SDAD1: variants seen among roughly 807,000 people sequenced by gnomAD.
SDAD1 encodes protein SDA1 homolog.
Under a neutral mutation model 100.3 loss-of-function variants are expected in SDAD1, and 79 were observed. That is an observed-to-expected ratio of 0.79 (90% CI 0.66 to 0.95). SDAD1 has a LOEUF of 0.95. SDAD1 is among the 40% of genes least tolerant of loss of function. SDAD1 has a pLI of 0.00. For missense variants in SDAD1, 790 were observed against 810.9 expected, an observed-to-expected ratio of 0.97 and a Z score of 0.31; for synonymous variants, 267 against 271.4, an observed-to-expected ratio of 0.98 and a Z score of 0.16.
Position 75,957,336 on chromosome 4 carries a change from C to T in SDAD1, c.1843G>A (p.Ala615Thr), listed in dbSNP as rs563762327. Residue 615 changes from alanine (A) to threonine (T), a missense_variant, in exon 20 of 22, where the codon GCA becomes ACA. Physicochemically the swap from Ala to Thr is moderately conservative, Grantham distance 58 (BLOSUM62 0). Coordinates refer to ENST00000356260, the MANE Select transcript of SDAD1 (RefSeq NM_018115.4). ...KPKSDKETRL[A>T]TAMAGKTDRK... ...ATATGCTCACTCACCATTGCAGTTG[C>T]TAGTCTTGTCTCTTTGTCAGACTTT... The T allele has an allele frequency of 1.2e-6, 2 of 1,613,840 alleles. No homozygotes were observed.
chr4:75,975,130 A>T (rs1343783102), intron 6 of SDAD1, among the ~76,000 whole-genome samples: 1 of 152,134 alleles, frequency 6.6e-6, no homozygotes, highest in Non-Finnish European at 1.5e-5. Context: ...CATTAAACAA[A>T]AAAGACTGGG....
intron 14 of SDAD1, 28 bp from the exon 15 acceptor site, chr4:75,961,336 G>T: frequency 6.5e-7 from 1 of 1,528,584 alleles, no homozygotes; most frequent in South Asian, 1.1e-5. Context: ...AAGTTTAAAA[G>T]AGCCCGAATA....
chr4:75,950,513 T>C lies in SDAD1; in HGVS notation c.*237A>G, dbSNP rs1728572928. 1 of 446,288 alleles carries C rather than the reference T, an allele frequency of 2.2e-6. No homozygotes were observed. The highest frequency in any genetic ancestry group is 1.9e-5 in the African/African-American group (1 of 51,672). 27.6% of individuals were successfully genotyped at this position (446,288 alleles called of 1,614,324 possible). A position where few individuals can be genotyped will look rare whatever the true frequency, so the allele number is the denominator to read the frequency against. ...AATGAATAGGCACTCAATACATACT[T>C]TTTTTTGCATGAATGATAAATGAAA... On this transcript the variant is annotated 3_prime_UTR_variant, in exon 22 of 22. Coordinates refer to ENST00000356260, the MANE Select transcript of SDAD1 (RefSeq NM_018115.4).
rs375225256 is a variant in SDAD1, at chr4:75,966,267, TACACACACAC to T, written c.1046-455_1046-446del. On this transcript the variant is annotated intron_variant, in intron 12 of 21. Transcript: ENST00000356260. ...AATAAATACTTGCTGAATGAATGCA[TACACACACAC>T]ACACACACACACACACACACACACA... 4.1e-4 allele frequency among the ~76,000 whole-genome samples: 57 copies of T among 139,286 alleles called. 1 individual carries two copies. The highest frequency in any genetic ancestry group is 7.6e-4 in the African/African-American group (29 of 38,210). 91.4% of individuals were successfully genotyped at this position (139,286 alleles called of 152,430 possible).
intron 16 of SDAD1, 123 bp from the exon 17 acceptor site, chr4:75,960,315 T>G: frequency 2.2e-6 from 2 of 916,342 alleles, no homozygotes; most frequent in East Asian, 2.9e-5. Flanking sequence ...CTTGCTCTGT[T>G]GCCCAGACTG....
rs1730509267 is a variant in SDAD1 at position 75,981,461 on chromosome 4, A to G, written c.205T>C (p.Cys69Arg). 1 of 1,613,820 alleles carries G rather than the reference A, an allele frequency of 6.2e-7. No individual in the cohort carries two copies. The highest frequency in any genetic ancestry group is 8.5e-7 in the Non-Finnish European group (1 of 1,179,792). Residue 69 changes from cysteine to arginine, a missense_variant, in exon 3 of 22, where the codon TGC becomes CGC. Coordinates refer to ENST00000356260, the MANE Select transcript of SDAD1 (RefSeq NM_018115.4). ...AAATTACTTAGGTACTCTGGGTAGC[A>G]GTGACTAATCTGTAACAAAGCAAAG... ...LVMFMAQISH[C>R]YPEYLSNFPQ... is the part of the protein sequence containing the mutation.
In SDAD1 at chr4:75,955,430, G is replaced by A. The variant is rs545385513; in HGVS notation, c.2016+545C>T. Among the ~76,000 whole-genome samples the A allele has an allele frequency of 1.5e-3, 234 of 152,156 alleles. 2 individuals carry two copies. Among genetic ancestry groups the A allele is most frequent in the Non-Finnish European group, 2.8e-3 (191 of 68,004 alleles). On this transcript the variant is annotated intron_variant, in intron 21 of 21. Coordinates refer to ENST00000356260, the MANE Select transcript of SDAD1 (RefSeq NM_018115.4). Reference sequence around the variant, plus strand: ...CACTTGGGAACAAAGAAAGAGCCCCGTTGCATTGCGGGCTGCTGGCCAGAT... The same window carrying A: ...CACTTGGGAACAAAGAAAGAGCCCCATTGCATTGCGGGCTGCTGGCCAGAT...
intron 1 of SDAD1, among the ~76,000 whole-genome samples, chr4:75,989,406 C>T (rs193274831): frequency 1.3e-5 from 2 of 152,332 alleles, no homozygotes; most frequent in East Asian, 3.9e-4. Context: ...AGTCTACACT[C>T]ACTTGAATGT....
In SDAD1 at chr4:75,957,531, CA is replaced by C; in HGVS notation, c.1755del (p.Ser585ArgfsTer30). ...SQKRKYIEID[S>X]DEEPRGELLS... is the part of the protein sequence containing the mutation. ...GTGCCATTTTACCTGGGCTCTTCAT[CA>C]CTGTCTATTTCAATGTATTTCCTCT... is the stretch of plus-strand genomic sequence containing the variant. On this transcript the variant is annotated frameshift_variant, in exon 19 of 22. Coordinates refer to ENST00000356260, the MANE Select transcript of SDAD1 (RefSeq NM_018115.4). LOFTEE classifies it high-confidence loss of function. 6.2e-7 allele frequency: 1 copy of C among 1,614,146 alleles called. No homozygotes were observed. The highest frequency in any genetic ancestry group is 8.5e-7 in the Non-Finnish European group (1 of 1,180,018).
Position 75,950,145 on chromosome 4 carries a change from G to GC in SDAD1, c.*604_*605insG, listed in dbSNP as rs1455430814. On this transcript the variant is annotated 3_prime_UTR_variant, in exon 22 of 22. Transcript: ENST00000356260. ...AAACAAAAAAAACACGGGGGGGGGGGGGTCACTTAAATCTCTTGGATTGAC... is the reference window on the plus strand; with the variant it reads ...AAACAAAAAAAACACGGGGGGGGGGGCGGTCACTTAAATCTCTTGGATTGAC... 7.8e-6 allele frequency: 1 copy of GC among 128,778 alleles called. No individual in the cohort carries two copies. The highest frequency in any genetic ancestry group is 1.7e-5 in the Non-Finnish European group (1 of 60,294). 8.0% of individuals were successfully genotyped at this position (128,778 alleles called of 1,614,324 possible). A position where few individuals can be genotyped will look rare whatever the true frequency, so the allele number is the denominator to read the frequency against.
intron 13 of SDAD1, among the ~76,000 whole-genome samples, chr4:75,964,574 T>C (rs921522385): frequency 1.6e-5 from 2 of 126,192 alleles, no homozygotes; most frequent in East Asian, 2.3e-4. Context: ...GTAGATCCCC[T>C]TAAGAGTTAG....
intron 1 of SDAD1, among the ~76,000 whole-genome samples, chr4:75,983,983 T>A (rs1430766377): frequency 1.3e-5 from 2 of 152,018 alleles, no homozygotes; most frequent in African/African-American, 4.8e-5. Flanking sequence ...AAGGAAGGGG[T>A]CCAGTTTCAG....
chr4:75,958,068 A>C (rs749479518), intron 17 of SDAD1, 127 bp from the exon 18 acceptor site: 1 of 770,912 alleles, frequency 1.3e-6, no homozygotes, highest in African/African-American at 1.7e-5. Context: ...GAACTGAGCA[A>C]TATTTATTGT....
chr4:75,987,556 C>CA (rs1413635236), intron 1 of SDAD1, among the ~76,000 whole-genome samples: 72 of 152,218 alleles, frequency 4.7e-4, no homozygotes, highest in Admixed American at 2.9e-3. Flanking sequence ...GGCTAGGGTG[C>CA]AGTGGCGCGA....
At chr4:75,990,656 G>A (rs1322398663) in intron 1 of SDAD1, 96 bp downstream of exon 1, 1 of 1,602,832 alleles carries the variant, frequency 6.2e-7, no homozygotes, top group East Asian at 2.2e-5. Context: ...AGAATAGGCG[G>A]CGAGCCTGGA....
chr4:75,961,610 A>G (rs985888648), intron 14 of SDAD1, among the ~76,000 whole-genome samples: 2 of 152,184 alleles, frequency 1.3e-5, no homozygotes, highest in South Asian at 4.1e-4. Context: ...AAGAAAGGTT[A>G]AAGTCTTTAG....
intron 1 of SDAD1, among the ~76,000 whole-genome samples, chr4:75,983,415 TAA>T (rs1730670232): frequency 6.6e-6 from 1 of 152,234 alleles, no homozygotes; most frequent in African/African-American, 2.4e-5. Flanking sequence ...ACCAACAGTG[TAA>T]AAGAGTTCCT....
At chr4:75,961,177 C>T (rs1468811234) in intron 15 of SDAD1, 34 bp downstream of exon 15, 2 of 1,605,440 alleles carry the variant, frequency 1.2e-6, no homozygotes, top group South Asian at 2.2e-5. Context: ...TCACACTGTA[C>T]TCTTTGGTGT....
At chr4:75,963,660 T>C (rs576394360) in intron 14 of SDAD1, among the ~76,000 whole-genome samples, 1 of 152,114 alleles carries the variant, frequency 6.6e-6, no homozygotes, top group East Asian at 1.9e-4. Context: ...CACCAGTGAG[T>C]TATAAAAAAG....
Sources: gnomAD v4.1 joint callset for allele counts (sites outside exome capture counted in the v4.1 genomes callset) on GRCh38, gnomAD v4.1.1 for gene constraint, MANE v1.5 for transcripts, NCBI Gene and HGNC (gene_info 2026-07-23, HGNC 2026-07-21) for gene names.